Variants in DYNLT5 observed in about 807,000 individuals in gnomAD.
DYNLT5 encodes the protein dynein light chain Tctex-type 5.
In DYNLT5, 25 loss-of-function variants were observed where a neutral mutation model predicts 19.3. The observed-to-expected ratio is 1.30, with a 90% CI of 0.95 to 1.81. The LOEUF is 1.81. Ranked by LOEUF, DYNLT5 falls within the 40% of genes most tolerant of loss-of-function variation. DYNLT5 has a pLI of 0.00. For missense variants in DYNLT5, 232 were observed against 217.9 expected (o/e 1.06, Z -0.41); for synonymous variants, 82 against 68.9 (o/e 1.19, Z -0.94).
chr1:66,754,716 A>G lies in DYNLT5; in HGVS notation c.58A>G (p.Ser20Gly), dbSNP rs2094632914. 6.2e-7 allele frequency: 1 copy of G among 1,613,398 alleles called. No individual in the cohort carries two copies. The highest frequency in any genetic ancestry group is 1.1e-5 in the South Asian group (1 of 91,038). Residue 20 changes from serine to glycine, a missense_variant, in exon 2 of 5, where the codon AGT becomes GGT. Physicochemically the swap from Ser to Gly is moderately conservative, Grantham distance 56 (BLOSUM62 0). Transcript: ENST00000282670. ...RAAHSWKKRG[S>G]ISSLSNHEFW... is the part of the protein sequence containing the mutation. ...AGCTCATTCATGGAAGAAAAGAGGG[A>G]GTATTTCTTCTCTAAGTAATCATGA...
chr1:66,762,876 C>T (rs2094648410), intron 2 of DYNLT5, among the ~76,000 whole-genome samples: 2 of 151,958 alleles, frequency 1.3e-5, no homozygotes, highest in African/African-American at 2.4e-5. Context: ...TTAATGTCCC[C>T]AACACAAAGA....
rs984542740 is a variant in DYNLT5, at chr1:66,778,691, T to C, written c.*1237T>C. On this transcript the variant is annotated 3_prime_UTR_variant, in exon 5 of 5. Transcript: ENST00000282670. ...TTAATTTTAAAATGTTTTGGTGTCTTACTTTTCCCTAAAAATGACATGTAG... is the reference window on the plus strand; with the variant it reads ...TTAATTTTAAAATGTTTTGGTGTCTCACTTTTCCCTAAAAATGACATGTAG... 5 of 152,634 alleles carry C rather than the reference T, an allele frequency of 3.3e-5. No homozygotes were observed. The highest frequency in any genetic ancestry group is 6.5e-5 in the Admixed American group (1 of 15,286). 9.5% of individuals were successfully genotyped at this position (152,634 alleles called of 1,614,324 possible).
intron 2 of DYNLT5, among the ~76,000 whole-genome samples, chr1:66,760,198 T>C (rs2094643514): frequency 6.6e-6 from 1 of 152,230 alleles, no homozygotes; most frequent in African/African-American, 2.4e-5. Context: ...TATCATAATA[T>C]ATAATTTGCT....
chr1:66,769,723 T>A (rs2150866208), intron 2 of DYNLT5, among the ~76,000 whole-genome samples: 1 of 152,282 alleles, frequency 6.6e-6, no homozygotes, highest in East Asian at 1.9e-4. Flanking sequence ...GGGCCTCCTC[T>A]TTGCTTGGGT....
At chr1:66,753,086 C>T (rs2094629956) in intron 1 of DYNLT5, among the ~76,000 whole-genome samples, 1 of 152,194 alleles carries the variant, frequency 6.6e-6, no homozygotes, top group Admixed American at 6.5e-5. Flanking sequence ...CACTTATACA[C>T]ACAGGCACCT....
intron 2 of DYNLT5, among the ~76,000 whole-genome samples, chr1:66,758,695 T>C (rs1448054575): frequency 6.6e-6 from 1 of 152,208 alleles, no homozygotes; most frequent in African/African-American, 2.4e-5. Flanking sequence ...TTTAGATAAG[T>C]TCATTTTTCA....
At chr1:66,768,187 T>A (rs1645178991) in intron 2 of DYNLT5, among the ~76,000 whole-genome samples, 1 of 152,218 alleles carries the variant, frequency 6.6e-6, no homozygotes, top group Admixed American at 6.5e-5. Flanking sequence ...AAAGTATTGT[T>A]TGCTATTTAT....
At chr1:66,758,341 A>T (rs2094640099) in intron 2 of DYNLT5, among the ~76,000 whole-genome samples, 1 of 152,228 alleles carries the variant, frequency 6.6e-6, no homozygotes, top group African/African-American at 2.4e-5. Context: ...TTTCCTTAAA[A>T]TGGAAACAGA....
rs557339408 is a variant in DYNLT5 at position 66,766,198 on chromosome 1, C to T, written c.120-4189C>T. Among the ~76,000 whole-genome samples the T allele has an allele frequency of 3.3e-3, 497 of 152,268 alleles. 4 individuals are homozygous for T. The highest frequency in any genetic ancestry group is 0.011 in the African/African-American group (476 of 41,542). On this transcript the variant is annotated intron_variant, in intron 2 of 4. Coordinates refer to ENST00000282670, the MANE Select transcript of DYNLT5 (RefSeq NM_152665.3). The stretch of plus-strand genomic sequence containing the variant: ...CCAGCAAGCTGGTAAAACACATAGA[C>T]AGCAAGAATATTTTTTATATTTAAA...
chr1:66,776,048 A>C (rs957672012), intron 3 of DYNLT5: 6 of 361,242 alleles, frequency 1.7e-5, no homozygotes, highest in African/African-American at 1.3e-4. Flanking sequence ...AAACCCCAGC[A>C]GTATTGAACA....
chr1:66,778,729 A>G lies in DYNLT5; in HGVS notation c.*1275A>G, dbSNP rs569821267. The G allele has an allele frequency of 6.6e-6, 1 of 152,556 alleles. No homozygotes were observed. Among genetic ancestry groups the G allele is most frequent in the Admixed American group, 6.5e-5 (1 of 15,292 alleles). The allele number at this position is 152,556 out of a possible 1,614,324, so 9.5% of individuals were successfully genotyped here. On this transcript the variant is annotated 3_prime_UTR_variant, in exon 5 of 5. Transcript: ENST00000282670. ...AAATGACATGTAGTAAAAAATGGAT[A>G]CTTTTAAAATCCCTTCCCTTCTGCT...
chr1:66,776,511 A>C (rs770563279), intron 4 of DYNLT5, 108 bp downstream of exon 4: 32 of 1,346,122 alleles, frequency 2.4e-5, no homozygotes, highest in Admixed American at 4.8e-5. Context: ...GTAACAGTTA[A>C]AATGCGTATT....
intron 1 of DYNLT5, among the ~76,000 whole-genome samples, chr1:66,753,754 G>A (rs898024443): frequency 6.6e-6 from 1 of 151,806 alleles, no homozygotes; most frequent in African/African-American, 2.4e-5. Flanking sequence ...ATTAAGGCCA[G>A]CCTGGGCAAC....
intron 2 of DYNLT5, among the ~76,000 whole-genome samples, chr1:66,757,977 T>G (rs2094639358): frequency 6.6e-6 from 1 of 152,162 alleles, no homozygotes; most frequent in Non-Finnish European, 1.5e-5. Context: ...TCCAAAAATA[T>G]CTGCTATTTG....
intron 2 of DYNLT5, among the ~76,000 whole-genome samples, chr1:66,758,092 C>G (rs2094639544): frequency 6.8e-6 from 1 of 147,478 alleles, no homozygotes; most frequent in Non-Finnish European, 1.5e-5. Context: ...ATTGAGGCTC[C>G]AAAGCTACAG....
At chr1:66,757,971 A>G (rs1418940480) in intron 2 of DYNLT5, among the ~76,000 whole-genome samples, 1 of 152,200 alleles carries the variant, frequency 6.6e-6, no homozygotes, top group Non-Finnish European at 1.5e-5. Flanking sequence ...TGCAAATCCA[A>G]AAATATCTGC....
At chr1:66,776,906 G>T (rs2150870053) in intron 4 of DYNLT5, among the ~76,000 whole-genome samples, 1 of 152,268 alleles carries the variant, frequency 6.6e-6, no homozygotes, top group African/African-American at 2.4e-5. Flanking sequence ...AATTAGACAT[G>T]AACAAGACAG....
intron 1 of DYNLT5, among the ~76,000 whole-genome samples, chr1:66,754,119 A>G (rs1204560496): frequency 6.6e-6 from 1 of 151,910 alleles, no homozygotes; most frequent in Non-Finnish European, 1.5e-5. Context: ...ATACACCTGC[A>G]GTCCCAGCTA....
chr1:66,766,099 A>G (rs1370752164), intron 2 of DYNLT5, among the ~76,000 whole-genome samples: 1 of 152,150 alleles, frequency 6.6e-6, no homozygotes, highest in East Asian at 1.9e-4. Flanking sequence ...ATTACTTTTC[A>G]TCTACCTTTC....
Sources: gnomAD v4.1 joint callset for allele counts (sites outside exome capture counted in the v4.1 genomes callset) on GRCh38, gnomAD v4.1.1 for gene constraint, MANE v1.5 for transcripts, NCBI Gene and HGNC (gene_info 2026-07-23, HGNC 2026-07-21) for gene names.